Variants in CFAP44 observed in about 807,000 individuals in gnomAD.
The protein encoded by CFAP44 is cilia and flagella associated protein 44.
A neutral mutation model predicts 216.2 loss-of-function variants in CFAP44; 134 were observed. That is an observed-to-expected ratio of 0.62 (90% CI 0.54 to 0.72). The LOEUF is 0.72. Among genes scored for constraint, CFAP44 ranks in the 30% least tolerant of loss-of-function variants. CFAP44 has a pLI of 0.00. For missense variants in CFAP44, 2,035 were observed against 2,182.1 expected (o/e 0.93, Z 1.34); for synonymous variants, 700 against 727.6 (o/e 0.96, Z 0.61).
chr3:113,372,638 T>C (rs538193950), intron 18 of CFAP44, among the ~76,000 whole-genome samples: 1 of 151,942 alleles, frequency 6.6e-6, no homozygotes, highest in East Asian at 1.9e-4. Flanking sequence ...AAATGATGAG[T>C]TGATAGGTGC....
chr3:113,440,379 G>A (rs893473802), intron 1 of CFAP44, among the ~76,000 whole-genome samples: 3 of 152,102 alleles, frequency 2.0e-5, no homozygotes, highest in African/African-American at 2.4e-5. Flanking sequence ...TTATTTTTGA[G>A]ACAAAGTCTT....
intron 7 of CFAP44, among the ~76,000 whole-genome samples, chr3:113,408,633 G>A (rs1934358674): frequency 1.3e-5 from 2 of 152,174 alleles, no homozygotes; most frequent in South Asian, 4.1e-4. Flanking sequence ...GGGAGGCTGA[G>A]GCGGGTGGAT....
intron 24 of CFAP44, among the ~76,000 whole-genome samples, chr3:113,339,932 C>A (rs1222055995): frequency 6.6e-6 from 1 of 152,154 alleles, no homozygotes; most frequent in African/African-American, 2.4e-5. Context: ...TGCAACTGAG[C>A]CTTTCTAATC....
chr3:113,394,958 T>G (rs1478696088), intron 15 of CFAP44, among the ~76,000 whole-genome samples: 4 of 152,250 alleles, frequency 2.6e-5, no homozygotes, highest in Non-Finnish European at 5.9e-5. Context: ...TACTTTGTAC[T>G]GCTTATTTAA....
chr3:113,433,324 G>A (rs1201838831), intron 2 of CFAP44, among the ~76,000 whole-genome samples: 1 of 150,056 alleles, frequency 6.7e-6, no homozygotes, highest in East Asian at 2.0e-4. Context: ...AGCTACTCAG[G>A]AGGCTGAGGC....
chr3:113,430,429 G>GAAAAAAAAAAAAAAAAA (rs754983161), intron 2 of CFAP44, among the ~76,000 whole-genome samples: 30 of 74,066 alleles, frequency 4.1e-4, no homozygotes, highest in East Asian at 2.3e-3. Context: ...AAAAATAAAT[G>GAAAAAAAAAAAAAAAAA]AAAAAAAAAA....
chr3:113,308,355 G>T, intron 28 of CFAP44, 87 bp from the exon 29 acceptor site: 1 of 1,076,588 alleles, frequency 9.3e-7, no homozygotes, highest in Non-Finnish European at 1.3e-6. Flanking sequence ...TTTTCAATGA[G>T]TTAGTCACTA....
chr3:113,412,482 G>T (rs1026654077), intron 6 of CFAP44, among the ~76,000 whole-genome samples: 6 of 151,538 alleles, frequency 4.0e-5, no homozygotes, highest in African/African-American at 1.2e-4. Context: ...TGCCATGGTG[G>T]TCTGCTGCAC....
In CFAP44 at chr3:113,298,282, T is replaced by G. The variant is rs887289484; in HGVS notation, c.5078-1397A>C. ...TGCTCAGTAGGGACATAAAGTCTTC[T>G]GGAACACTCACTACCCACCTTCCCC... On this transcript the variant is annotated intron_variant, in intron 32 of 34. Coordinates refer to ENST00000393845, the MANE Select transcript of CFAP44 (RefSeq NM_001164496.2). 5.9e-5 allele frequency among the ~76,000 whole-genome samples: 9 copies of G among 152,344 alleles called. No individual in the cohort carries two copies. In the East Asian group the frequency reaches 1.3e-3, roughly 23 times the overall value.
Position 113,407,010 on chromosome 3 carries a change from G to A in CFAP44, c.922C>T (p.Leu308Phe). 1 of 1,614,096 alleles carries A rather than the reference G, an allele frequency of 6.2e-7. No individual in the cohort carries two copies. Among genetic ancestry groups the A allele is most frequent in the African/African-American group, 1.3e-5 (1 of 75,032 alleles). ...FWEMAFTFTG[L>F]KLQGSLGRFG... ...CGACCTAGTGATCCCTGCAGCTTGA[G>A]ACCGGTGAACGTAAAAGCCATTTCC... The change falls in exon 8 of 35, where the codon CTC becomes TTC. Residue 308 changes from leucine to phenylalanine, a missense_variant. This residue lies in a region of CFAP44 where 1,883 missense variants were observed against 2,023.7 expected (regional missense o/e 0.93). Coordinates refer to ENST00000393845, the MANE Select transcript of CFAP44 (RefSeq NM_001164496.2).
chr3:113,303,729 A>AC (rs1275226451), intron 32 of CFAP44, among the ~76,000 whole-genome samples, 187 bp downstream of exon 32: 1 of 152,180 alleles, frequency 6.6e-6, no homozygotes, highest in African/African-American at 2.4e-5. Flanking sequence ...TCCCTTTAAA[A>AC]CAGGAAAGCG....
At chr3:113,344,747 C>A in intron 22 of CFAP44, 35 bp from the exon 23 acceptor site, 2 of 1,446,932 alleles carry the variant, frequency 1.4e-6, no homozygotes, top group South Asian at 2.8e-5. Context: ...CAGTAGTCAC[C>A]ATTTTGATCA....
At chr3:113,353,592 T>C (rs1260067797) in intron 22 of CFAP44, among the ~76,000 whole-genome samples, 1 of 152,174 alleles carries the variant, frequency 6.6e-6, no homozygotes, top group Non-Finnish European at 1.5e-5. Context: ...CACTTTCATC[T>C]TTTAGCAGGT....
intron 4 of CFAP44, among the ~76,000 whole-genome samples, 159 bp from the exon 5 acceptor site, chr3:113,420,338 T>G (rs947691434): frequency 1.3e-5 from 2 of 152,118 alleles, no homozygotes; most frequent in African/African-American, 4.8e-5. Flanking sequence ...TACATATTAC[T>G]AACAATTTTG....
At chr3:113,407,147 T>A in intron 7 of CFAP44, 106 bp from the exon 8 acceptor site, 4 of 819,252 alleles carry the variant, frequency 4.9e-6, no homozygotes, top group Non-Finnish European at 8.0e-6. Flanking sequence ...TATTATTTCA[T>A]TCATTCATTC....
chr3:113,297,219 T>C (rs1949890472), intron 32 of CFAP44, among the ~76,000 whole-genome samples: 1 of 152,084 alleles, frequency 6.6e-6, no homozygotes, highest in Non-Finnish European at 1.5e-5. Flanking sequence ...CAGCATCTAG[T>C]ATTAAGAATA....
chr3:113,441,302 G>C (rs1482433976), intron 1 of CFAP44, among the ~76,000 whole-genome samples, 151 bp downstream of exon 1: 1 of 152,232 alleles, frequency 6.6e-6, no homozygotes, highest in African/African-American at 2.4e-5. Flanking sequence ...AATACTCGTG[G>C]CTTCAAAAGT....
intron 26 of CFAP44, 60 bp downstream of exon 26, chr3:113,330,108 C>T: frequency 2.8e-6 from 4 of 1,442,902 alleles, no homozygotes; most frequent in South Asian, 1.5e-5. Flanking sequence ...AAAACCCGAC[C>T]CAATTTTTTC....
chr3:113,422,111 T>G (rs1269484776), intron 4 of CFAP44, among the ~76,000 whole-genome samples: 1 of 152,154 alleles, frequency 6.6e-6, no homozygotes, highest in Admixed American at 6.5e-5. Context: ...ATAAGCAAGT[T>G]AAATGAGCTC....
Sources: allele counts gnomAD v4.1 joint callset (sites outside exome capture counted in the v4.1 genomes callset), GRCh38; gene constraint gnomAD v4.1.1; regional missense constraint gnomAD v4.1.1; transcripts MANE v1.5; gene names NCBI Gene and HGNC (gene_info 2026-07-23, HGNC 2026-07-21).